ARID5B: variants seen among roughly 807,000 people sequenced by gnomAD.
ARID5B encodes the protein AT-rich interactive domain-containing protein 5B.
ARID5B carries 13 observed loss-of-function variants against 97.2 expected under a neutral mutation model. The ratio of observed to expected loss-of-function variants is 0.13; its 90% CI spans 0.09 to 0.21. The LOEUF (loss-of-function observed/expected upper bound fraction) is 0.21. Among genes scored for constraint, ARID5B ranks in the 10% least tolerant of loss-of-function variants. The pLI is 1.00. For missense variants in ARID5B, 1,210 were observed against 1,465.3 expected (o/e 0.83, Z 2.84); for synonymous variants, 556 against 570.3 (o/e 0.97, Z 0.36).
Position 62,090,874 on chromosome 10 carries a change from C to A in ARID5B, c.1411C>A (p.Gln471Lys), listed in dbSNP as rs1840358620. 1 of 1,579,382 alleles carries A rather than the reference C, an allele frequency of 6.3e-7. No homozygotes were observed. Among genetic ancestry groups the A allele is most frequent in the Non-Finnish European group, 8.5e-7 (1 of 1,169,636 alleles). ...AATATGTTACCAGGTTTCATCAGAGCAAGAAAAAGAACAAGAGACTTTAAT... is the reference window on the plus strand; with the variant it reads ...AATATGTTACCAGGTTTCATCAGAGAAAGAAAAAGAACAAGAGACTTTAAT... The part of the protein sequence containing the change: ...PQDAAEVSSE[Q>K]EKEQETLISQ... Residue 471 changes from glutamine (Q) to lysine (K), a missense_variant, in exon 10 of 10, where the codon CAA becomes AAA. Physicochemically the swap from Gln to Lys is moderately conservative, Grantham distance 53. This residue lies in a region of ARID5B where 800 missense variants were observed against 839.1 expected (regional missense o/e 0.95). Transcript: ENST00000279873.
intron 4 of ARID5B, chr10:62,024,954 T>G: frequency 3.5e-6 from 1 of 286,810 alleles, no homozygotes. Context: ...CTGGAAGCAG[T>G]GCTATAAGTA....
At chr10:62,076,939 C>T (rs1385195382) in intron 8 of ARID5B, among the ~76,000 whole-genome samples, 6 of 152,190 alleles carry the variant, frequency 3.9e-5, no homozygotes, top group African/African-American at 9.7e-5. Context: ...CTCTGCAACA[C>T]GGCCACCCTG....
At chr10:62,052,859 G>C (rs1839809110) in intron 5 of ARID5B, among the ~76,000 whole-genome samples, 1 of 152,258 alleles carries the variant, frequency 6.6e-6, no homozygotes, top group Non-Finnish European at 1.5e-5. Flanking sequence ...ATGGTGAACA[G>C]ATGAATGTCA....
chr10:61,912,880 A>T (rs1407290221), intron 2 of ARID5B, among the ~76,000 whole-genome samples: 1 of 152,144 alleles, frequency 6.6e-6, no homozygotes, highest in East Asian at 1.9e-4. Flanking sequence ...TGAGATGGAA[A>T]CAGTTTTGAC....
At chr10:62,004,265 C>T (rs1019518109) in intron 4 of ARID5B, among the ~76,000 whole-genome samples, 1 of 152,148 alleles carries the variant, frequency 6.6e-6, no homozygotes, top group South Asian at 2.1e-4. Context: ...TAAATTGAAT[C>T]GTATTAATGG....
chr10:62,069,871 C>T lies in ARID5B; in HGVS notation c.1199+74C>T, dbSNP rs531124969. On this transcript the variant is annotated intron_variant, in intron 8 of 9. Coordinates refer to ENST00000279873, the MANE Select transcript of ARID5B (RefSeq NM_032199.3). Reference sequence around the variant, plus strand: ...AAGGAGCTTCTGGTCAAGGATAAGACAGAGGAAGTCTAAATGACCTTTTGG... The same window carrying T: ...AAGGAGCTTCTGGTCAAGGATAAGATAGAGGAAGTCTAAATGACCTTTTGG... The T allele has an allele frequency of 2.5e-4, 367 of 1,442,366 alleles. 1 individual carries two copies. The highest frequency in any genetic ancestry group is 7.0e-4 in the Admixed American group (35 of 50,130). The allele number at this position is 1,442,366 out of a possible 1,614,324, so 89.3% of individuals were successfully genotyped here.
intron 2 of ARID5B, among the ~76,000 whole-genome samples, chr10:61,928,247 C>T (rs923029148): frequency 3.3e-5 from 5 of 152,144 alleles, no homozygotes; most frequent in African/African-American, 1.2e-4. Context: ...TCCTTTACAT[C>T]CCAACACCTC....
At chr10:62,030,317 A>T (rs1272108410) in intron 4 of ARID5B, among the ~76,000 whole-genome samples, 1 of 151,866 alleles carries the variant, frequency 6.6e-6, no homozygotes, top group African/African-American at 2.4e-5. Flanking sequence ...TTTAGTAGAG[A>T]TGGGGGTTTC....
At chr10:62,012,309 C>T (rs1240344018) in intron 4 of ARID5B, among the ~76,000 whole-genome samples, 1 of 152,060 alleles carries the variant, frequency 6.6e-6, no homozygotes, top group East Asian at 1.9e-4. Flanking sequence ...TCCCTTGATC[C>T]CAGGAGTTTG....
chr10:62,053,430 G>T (rs961137804), intron 5 of ARID5B, among the ~76,000 whole-genome samples: 1 of 152,162 alleles, frequency 6.6e-6, no homozygotes, highest in Admixed American at 6.5e-5. Flanking sequence ...AACCAGCTTT[G>T]CAAGACCATG....
chr10:61,940,384 G>T lies in ARID5B; in HGVS notation c.478G>T (p.Val160Phe). ...AAACAGTGGACTCAACTTCAAAGAC[G>T]TTCTCAAGGAGAAGGCAGACCTGGG... ...TLNSGLNFKD[V>F]LKEKADLGED... The change falls in exon 3 of 10, where the codon GTT becomes TTT. Residue 160 changes from valine (V) to phenylalanine (F), a missense_variant. Physicochemically the swap from Val to Phe is conservative, Grantham distance 50. Around this residue, in one of 8 missense-constraint regions of ARID5B, gnomAD observed 82 missense variants for 79.3 expected, o/e 1.03. Coordinates refer to ENST00000279873, the MANE Select transcript of ARID5B (RefSeq NM_032199.3). The T allele has an allele frequency of 6.2e-7, 1 of 1,613,742 alleles. No homozygotes were observed. The highest frequency in any genetic ancestry group is 8.5e-7 in the Non-Finnish European group (1 of 1,179,852).
intron 9 of ARID5B, among the ~76,000 whole-genome samples, chr10:62,089,874 C>G (rs1840345206): frequency 6.6e-6 from 1 of 152,104 alleles, no homozygotes; most frequent in African/African-American, 2.4e-5. Context: ...GGAAGAATAC[C>G]AGCTCAGTAC....
rs78608500 is a variant in ARID5B at position 61,926,576 on chromosome 10, A to G, written c.277-13607A>G. 5.4e-3 allele frequency among the ~76,000 whole-genome samples: 823 copies of G among 152,132 alleles called. 8 individuals are homozygous for G. Among genetic ancestry groups the G allele is most frequent in the African/African-American group, 0.019 (777 of 41,524 alleles). On this transcript the variant is annotated intron_variant, in intron 2 of 9. Coordinates refer to ENST00000279873, the MANE Select transcript of ARID5B (RefSeq NM_032199.3). The stretch of plus-strand genomic sequence containing the variant: ...GCTGGGGAGGATGAGAAACCCAGGT[A>G]TTTAATTTTATTATTATTATTGTTA...
At chr10:61,964,345 G>A (rs576706079) in intron 3 of ARID5B, among the ~76,000 whole-genome samples, 5 of 152,276 alleles carry the variant, frequency 3.3e-5, no homozygotes, top group South Asian at 4.1e-4. Flanking sequence ...ATTTTAAACT[G>A]ATGAGGCCAT....
At chr10:61,912,792 G>C (rs758339245) in intron 2 of ARID5B, among the ~76,000 whole-genome samples, 3 of 151,238 alleles carry the variant, frequency 2.0e-5, no homozygotes, top group Non-Finnish European at 4.4e-5. Flanking sequence ...GGGAAGTCTC[G>C]CATGCTACAG....
intron 5 of ARID5B, among the ~76,000 whole-genome samples, chr10:62,055,305 G>C (rs2132936845): frequency 6.6e-6 from 1 of 152,262 alleles, no homozygotes; most frequent in Non-Finnish European, 1.5e-5. Context: ...ACTAACTAGG[G>C]CATGATCTTG....
chr10:62,049,198 A>T, intron 4 of ARID5B: 1 of 1,306,738 alleles, frequency 7.7e-7, no homozygotes, highest in Non-Finnish European at 9.8e-7. Flanking sequence ...CCGTGCGGGG[A>T]GGTGGAGAGA....
chr10:61,939,691 AT>A (rs1844364874), intron 2 of ARID5B, among the ~76,000 whole-genome samples: 1 of 152,208 alleles, frequency 6.6e-6, no homozygotes, highest in Admixed American at 6.5e-5. Flanking sequence ...TAAATTCAAT[AT>A]TTGTGTATAA....
chr10:61,986,804 CAGACA>C (rs906050614), intron 3 of ARID5B, among the ~76,000 whole-genome samples: 1 of 152,146 alleles, frequency 6.6e-6, no homozygotes, highest in African/African-American at 2.4e-5. Flanking sequence ...AAGCAATAAT[CAGACA>C]AGTACCTACG....
Sources: allele counts gnomAD v4.1 joint callset (sites outside exome capture counted in the v4.1 genomes callset), GRCh38; gene constraint gnomAD v4.1.1; regional missense constraint gnomAD v4.1.1; transcripts MANE v1.5; gene names NCBI Gene and HGNC (gene_info 2026-07-23, HGNC 2026-07-21).